The following LONRF1 variants were observed in gnomAD, a reference collection of about 807,000 sequenced individuals.
LONRF1 encodes LON peptidase N-terminal domain and RING finger protein 1.
A neutral mutation model predicts 85.8 loss-of-function variants in LONRF1; 37 were observed. The observed-to-expected ratio is 0.43, with a 90% CI of 0.33 to 0.57. The LOEUF (loss-of-function observed/expected upper bound fraction) is 0.57. Ranked by LOEUF, LONRF1 falls within the 20% of genes least tolerant of loss-of-function variation. The pLI is 0.04. For synonymous variants in LONRF1, 517 were observed against 390.1 expected (o/e 1.33, Z -3.83); for missense variants, 1,036 against 978.0 (o/e 1.06, Z -0.79).
At chr8:12,741,148 C>G (rs1189275800) in intron 2 of LONRF1, 152 bp from the exon 3 acceptor site, 2 of 738,178 alleles carry the variant, frequency 2.7e-6, no homozygotes, top group East Asian at 2.9e-5. Context: ...CTTTGGGAGG[C>G]TGACAAAGGT....
rs1363216066 is a variant in LONRF1 at position 12,735,466 on chromosome 8, T to C, written c.1452-66A>G. ...TATCCACTGAAAAGCTTGTACTACT[T>C]TAGAACCATAACACTAATCTCTATT... is the stretch of plus-strand genomic sequence containing the variant. On this transcript the variant is annotated intron_variant, in intron 6 of 11. Coordinates refer to ENST00000398246, the MANE Select transcript of LONRF1 (RefSeq NM_152271.5). 3.0e-6 allele frequency: 3 copies of C among 1,013,730 alleles called. No individual in the cohort carries two copies. The Middle Eastern group carries it at 6.1e-4, about 207-fold the overall frequency. 62.8% of individuals were successfully genotyped at this position (1,013,730 alleles called of 1,614,324 possible). A position where few individuals can be genotyped will look rare whatever the true frequency, so the allele number is the denominator to read the frequency against.
At chr8:12,727,830 A>G (rs1798379012) in intron 10 of LONRF1, among the ~76,000 whole-genome samples, 1 of 152,184 alleles carries the variant, frequency 6.6e-6, no homozygotes, top group South Asian at 2.1e-4. Flanking sequence ...CCCCCATAGC[A>G]TTTTTATAAT....
At position 12,735,271 on chromosome 8, in the gene LONRF1, T is replaced by C. The variant is rs757927246; in HGVS notation, c.1566+15A>G. ...AACTTAAGACCAACAAACAGACACA[T>C]ATACAAATATTTACCTCTTTTAAGC... On this transcript the variant is annotated intron_variant, in intron 7 of 11. Coordinates refer to ENST00000398246, the MANE Select transcript of LONRF1 (RefSeq NM_152271.5). 4.6e-6 allele frequency: 7 copies of C among 1,531,266 alleles called. No homozygotes were observed. Among genetic ancestry groups the C allele is most frequent in the Non-Finnish European group, 6.3e-6 (7 of 1,114,776 alleles). The allele number at this position is 1,531,266 out of a possible 1,614,324, so 94.9% of individuals were successfully genotyped here. A position where few individuals can be genotyped will look rare whatever the true frequency, so the allele number is the denominator to read the frequency against.
chr8:12,747,727 C>T (rs1050400934), intron 1 of LONRF1, among the ~76,000 whole-genome samples: 4 of 150,720 alleles, frequency 2.7e-5, no homozygotes, highest in Non-Finnish European at 5.9e-5. Flanking sequence ...TGTCTTATTT[C>T]ACTAACTCAG....
chr8:12,750,295 A>G (rs1799327895), intron 1 of LONRF1, among the ~76,000 whole-genome samples: 1 of 152,246 alleles, frequency 6.6e-6, no homozygotes, highest in South Asian at 2.1e-4. Flanking sequence ...CACAATAAGT[A>G]AGGACATAAA....
chr8:12,735,526 G>T, intron 6 of LONRF1, 126 bp from the exon 7 acceptor site: 1 of 645,698 alleles, frequency 1.5e-6, no homozygotes. Flanking sequence ...GCAGGCAGGA[G>T]AGGAGAGAAA....
At chr8:12,745,581 G>C (rs183073135) in intron 1 of LONRF1, among the ~76,000 whole-genome samples, 76 of 152,288 alleles carry the variant, frequency 5.0e-4, no homozygotes, top group African/African-American at 1.8e-3. Context: ...TGCTCTCTAC[G>C]TGACCTTGAG....
chr8:12,725,944 C>T (rs970366228), intron 10 of LONRF1, 65 bp from the exon 11 acceptor site: 20 of 1,471,020 alleles, frequency 1.4e-5, no homozygotes, highest in African/African-American at 1.1e-4. Flanking sequence ...ATATGCCAAC[C>T]GACACAAATG....
intron 1 of LONRF1, among the ~76,000 whole-genome samples, chr8:12,744,735 G>T (rs1287423518): frequency 6.6e-6 from 1 of 152,108 alleles, no homozygotes; most frequent in Admixed American, 6.6e-5. Context: ...AAAACTCCAG[G>T]CTATAAAAGA....
chr8:12,750,567 C>T (rs1189694554), intron 1 of LONRF1, among the ~76,000 whole-genome samples: 3 of 152,132 alleles, frequency 2.0e-5, no homozygotes, highest in Non-Finnish European at 4.4e-5. Flanking sequence ...TAACTGAAAC[C>T]ACAAATAAGG....
chr8:12,751,079 G>A (rs188590671), intron 1 of LONRF1, among the ~76,000 whole-genome samples: 1 of 152,162 alleles, frequency 6.6e-6, no homozygotes, highest in East Asian at 1.9e-4. Context: ...TCGGAGAGAG[G>A]CGAGGGCTGC....
chr8:12,725,922 C>A, intron 10 of LONRF1, 43 bp from the exon 11 acceptor site: 1 of 1,567,472 alleles, frequency 6.4e-7, no homozygotes, highest in Non-Finnish European at 8.7e-7. Flanking sequence ...TCTAATCCCC[C>A]GTCCATATGC....
chr8:12,728,398 A>C (rs1798401008), intron 10 of LONRF1, among the ~76,000 whole-genome samples: 1 of 152,200 alleles, frequency 6.6e-6, no homozygotes, highest in Non-Finnish European at 1.5e-5. Flanking sequence ...TTTATCATTA[A>C]GGTTATCTTA....
Position 12,722,490 on chromosome 8 carries a change from AT to A in LONRF1, c.*605del, listed in dbSNP as rs1471072731. 1 of 152,686 alleles carries A rather than the reference AT, an allele frequency of 6.5e-6. No homozygotes were observed. The highest frequency in any genetic ancestry group is 2.4e-5 in the African/African-American group (1 of 41,462). 9.5% of individuals were successfully genotyped at this position (152,686 alleles called of 1,614,324 possible). A position where few individuals can be genotyped will look rare whatever the true frequency, so the allele number is the denominator to read the frequency against. ...CACTGTGATGCAAGTATTTACATAA[AT>A]AAGAAACTGTGTCATAGTCAATGGT... On this transcript the variant is annotated 3_prime_UTR_variant, in exon 12 of 12. Transcript: ENST00000398246.
chr8:12,724,787 A>T (rs1806093613), intron 11 of LONRF1, among the ~76,000 whole-genome samples: 1 of 152,236 alleles, frequency 6.6e-6, no homozygotes, highest in Non-Finnish European at 1.5e-5. Context: ...CAGTTAAAAC[A>T]AATAGATGGC....
chr8:12,723,991 A>G (rs570205195), intron 11 of LONRF1, among the ~76,000 whole-genome samples: 2 of 152,324 alleles, frequency 1.3e-5, no homozygotes, highest in East Asian at 3.9e-4. Flanking sequence ...TGAACCTTAA[A>G]TTGCTATTTA....
chr8:12,739,521 G>A (rs1798848944), intron 3 of LONRF1, among the ~76,000 whole-genome samples: 1 of 151,982 alleles, frequency 6.6e-6, no homozygotes, highest in African/African-American at 2.4e-5. Context: ...TTTCTAGGGT[G>A]ATGGAAATAT....
chr8:12,750,796 ACT>A (rs1217688668), intron 1 of LONRF1, among the ~76,000 whole-genome samples: 1 of 152,186 alleles, frequency 6.6e-6, no homozygotes, highest in African/African-American at 2.4e-5. Flanking sequence ...TGTAATTGTT[ACT>A]CTCTACCAAG....
Position 12,754,891 on chromosome 8 carries a change from G to C in LONRF1, c.530C>G (p.Pro177Arg). ...ASATDAEGTA[P>R]RPPPLAAAIA... ...GGCGGCGGCCAGAGGCGGCGGCCGC[G>C]GGGCGGTCCCTTCAGCATCAGTGGC... The change falls in exon 1 of 12, where the codon CCG (proline) becomes CGG (arginine). Residue 177 changes from proline (P) to arginine (R), a missense_variant. Physicochemically the swap from Pro to Arg is moderately radical, Grantham distance 103. Around this residue, in one of 3 missense-constraint regions of LONRF1, gnomAD observed 742 missense variants for 614.4 expected, o/e 1.21. Coordinates refer to ENST00000398246, the MANE Select transcript of LONRF1 (RefSeq NM_152271.5). 2.0e-6 allele frequency: 3 copies of C among 1,492,892 alleles called. No individual in the cohort carries two copies. The South Asian group carries it at 3.8e-5, about 19-fold the overall frequency. The allele number at this position is 1,492,892 out of a possible 1,614,324, so 92.5% of individuals were successfully genotyped here.
Sources: gnomAD v4.1 joint callset for allele counts (sites outside exome capture counted in the v4.1 genomes callset) on GRCh38, gnomAD v4.1.1 for gene constraint, gnomAD v4.1.1 regional missense constraint, MANE v1.5 for transcripts, NCBI Gene and HGNC (gene_info 2026-07-23, HGNC 2026-07-21) for gene names.